The following DOCK10 variants were observed in gnomAD, a reference collection of about 807,000 sequenced individuals.
The protein encoded by DOCK10 is dedicator of cytokinesis 10.
A neutral mutation model predicts 280.1 loss-of-function variants in DOCK10; 145 were observed. That is an observed-to-expected ratio of 0.52 (90% CI 0.45 to 0.59). The LOEUF (loss-of-function observed/expected upper bound fraction) is 0.59, where lower values mean the gene tolerates loss of function less well. DOCK10 is among the 20% of genes least tolerant of loss of function. The pLI, the probability that DOCK10 is intolerant of heterozygous loss-of-function variation, is 0.00. For missense variants in DOCK10, 2,368 were observed against 2,651.7 expected, an observed-to-expected ratio of 0.89 and a Z score of 2.35; for synonymous variants, 915 against 942.2, an observed-to-expected ratio of 0.97 and a Z score of 0.53.
At chr2:225,006,751 T>C (rs931497584) in intron 1 of DOCK10, among the ~76,000 whole-genome samples, 10 of 152,226 alleles carry the variant, frequency 6.6e-5, no homozygotes, top group Non-Finnish European at 1.2e-4. Flanking sequence ...TTGAGAAACA[T>C]TGATGGATAT....
chr2:225,016,624 CATAGAT>C (rs1416665369), intron 1 of DOCK10, among the ~76,000 whole-genome samples: 400 of 36,232 alleles, frequency 0.011, 45 homozygotes, highest in African/African-American at 0.03. Flanking sequence ...TCTATGTGCA[CATAGAT>C]ACATATATCT....
intron 30 of DOCK10, among the ~76,000 whole-genome samples, chr2:224,815,217 G>A (rs1407643897): frequency 6.6e-6 from 1 of 152,140 alleles, no homozygotes; most frequent in Non-Finnish European, 1.5e-5. Flanking sequence ...GCCGCCATGT[G>A]AAGAAGGTCC....
intron 3 of DOCK10, among the ~76,000 whole-genome samples, chr2:224,898,869 C>T (rs1028864593): frequency 9.2e-5 from 14 of 152,198 alleles, no homozygotes; most frequent in African/African-American, 2.9e-4. Context: ...GCCACCGCAC[C>T]GGGCTGATAA....
At chr2:224,947,331 C>G (rs1036045102) in intron 1 of DOCK10, among the ~76,000 whole-genome samples, 1 of 152,140 alleles carries the variant, frequency 6.6e-6, no homozygotes, top group African/African-American at 2.4e-5. Flanking sequence ...CCACGGCTGT[C>G]AAAACAGCCA....
intron 48 of DOCK10, 30 bp downstream of exon 48, chr2:224,789,034 T>C (rs372396832): frequency 7.0e-7 from 1 of 1,420,796 alleles, no homozygotes; most frequent in African/African-American, 1.4e-5. Flanking sequence ...CTTTCCTTCG[T>C]TACTGTACAT....
chr2:224,809,964 C>T lies in DOCK10; in HGVS notation c.3410-1878G>A, dbSNP rs144097725. The stretch of plus-strand genomic sequence containing the variant: ...ATGAATGGATTAAAAATGGTATATA[C>T]ATACGATGGAGTATTATTCAGCCTC... On this transcript the variant is annotated intron_variant, in intron 31 of 55. Coordinates refer to ENST00000258390, the MANE Select transcript of DOCK10 (RefSeq NM_014689.3). 5.0e-3 allele frequency among the ~76,000 whole-genome samples: 597 copies of T among 119,202 alleles called. 3 individuals are homozygous for T. The highest frequency in any genetic ancestry group is 0.018 in the African/African-American group (558 of 31,802). The allele number at this position is 119,202 out of a possible 152,430, so 78.2% of individuals were successfully genotyped here.
intron 55 of DOCK10, chr2:224,768,840 G>A (rs1363792102): frequency 2.2e-6 from 1 of 455,208 alleles, no homozygotes; most frequent in East Asian, 7.0e-5. Flanking sequence ...GGCCACAGAG[G>A]ACAGAGTAGA....
intron 2 of DOCK10, among the ~76,000 whole-genome samples, chr2:224,918,697 T>C (rs1231017694): frequency 6.6e-6 from 1 of 151,000 alleles, no homozygotes; most frequent in Non-Finnish European, 1.5e-5. Flanking sequence ...TGTGAGCATG[T>C]GCAATTGAGT....
At chr2:224,945,987 C>A (rs370637640) in intron 1 of DOCK10, among the ~76,000 whole-genome samples, 83 of 152,230 alleles carry the variant, frequency 5.5e-4, no homozygotes, top group Non-Finnish European at 6.2e-4. Flanking sequence ...AGAAACCCTG[C>A]TCCGAAAAAG....
At chr2:224,904,557 G>T (rs1221889133) in intron 3 of DOCK10, among the ~76,000 whole-genome samples, 1 of 152,096 alleles carries the variant, frequency 6.6e-6, no homozygotes, top group African/African-American at 2.4e-5. Context: ...CTGTGCTCTG[G>T]TCTAAAGTTA....
In DOCK10 at chr2:224,907,282, T is replaced by A. The variant is rs534733484; in HGVS notation, c.333+9413A>T. On this transcript the variant is annotated intron_variant, in intron 3 of 55. Transcript: ENST00000258390. Reference sequence around the variant, plus strand: ...CATTATTTATACTTATAATTTGCTGTATGAGGGTAAGTACATAGAACTACC... The same window carrying A: ...CATTATTTATACTTATAATTTGCTGAATGAGGGTAAGTACATAGAACTACC... Among the ~76,000 whole-genome samples, 4 of 152,318 alleles carry A rather than the reference T, an allele frequency of 2.6e-5. No homozygotes were observed. The East Asian group carries it at 7.7e-4, about 29-fold the overall frequency.
intron 1 of DOCK10, among the ~76,000 whole-genome samples, chr2:224,979,871 A>G (rs1298591005): frequency 6.6e-6 from 1 of 152,128 alleles, no homozygotes; most frequent in Non-Finnish European, 1.5e-5. Context: ...AGACACAGAG[A>G]TGTTAAACAG....
intron 2 of DOCK10, among the ~76,000 whole-genome samples, chr2:224,928,236 A>G (rs1391518904): frequency 6.6e-6 from 1 of 151,752 alleles, no homozygotes; most frequent in African/African-American, 2.4e-5. Context: ...GTTGTACTCT[A>G]TGTCAGCCAA....
intron 26 of DOCK10, among the ~76,000 whole-genome samples, chr2:224,833,448 C>G (rs1246743298): frequency 6.6e-6 from 1 of 151,814 alleles, no homozygotes; most frequent in Non-Finnish European, 1.5e-5. Context: ...GTCTTTCCCT[C>G]TGAGCATCCC....
intron 3 of DOCK10, among the ~76,000 whole-genome samples, chr2:224,910,737 C>T (rs1700961362): frequency 6.6e-6 from 1 of 152,180 alleles, no homozygotes; most frequent in Non-Finnish European, 1.5e-5. Context: ...TCTTTGGTGA[C>T]CTCTTTCTTC....
In DOCK10 at chr2:224,830,623, A is replaced by G. The variant is rs773075635; in HGVS notation, c.2965-11T>C. On this transcript the variant is annotated splice_polypyrimidine_tract_variant and intron_variant, in intron 26 of 55. Coordinates refer to ENST00000258390, the MANE Select transcript of DOCK10 (RefSeq NM_014689.3). Reference sequence around the variant, plus strand: ...GAAGAACCAGGAATGCTGTTGGGAAAAAAAAGGCAACGAGACATTTATTAT... The same window carrying G: ...GAAGAACCAGGAATGCTGTTGGGAAGAAAAAGGCAACGAGACATTTATTAT... 96 of 1,509,936 alleles carry G rather than the reference A, an allele frequency of 6.4e-5. No homozygotes were observed. Among genetic ancestry groups the G allele is most frequent in the Non-Finnish European group, 8.0e-5 (90 of 1,118,638 alleles). The allele number at this position is 1,509,936 out of a possible 1,614,324, so 93.5% of individuals were successfully genotyped here. A position where few individuals can be genotyped will look rare whatever the true frequency, so the allele number is the denominator to read the frequency against.
chr2:224,989,018 A>C (rs1185200806), intron 1 of DOCK10, among the ~76,000 whole-genome samples: 1 of 152,238 alleles, frequency 6.6e-6, no homozygotes, highest in Non-Finnish European at 1.5e-5. Flanking sequence ...GAGGAAAATG[A>C]GGCCATTACC....
intron 40 of DOCK10, among the ~76,000 whole-genome samples, chr2:224,800,725 T>A (rs1692924293): frequency 6.6e-6 from 1 of 151,970 alleles, no homozygotes; most frequent in Admixed American, 6.6e-5. Flanking sequence ...ATGAAAAGAG[T>A]CAAATTCTGT....
chr2:224,814,261 T>G (rs1050067605), intron 31 of DOCK10, 59 bp downstream of exon 31: 1 of 1,041,990 alleles, frequency 9.6e-7, no homozygotes, highest in Non-Finnish European at 1.3e-6. Context: ...AATTTATAGT[T>G]GTCAATATTA....
Sources: gnomAD v4.1 joint callset for allele counts (sites outside exome capture counted in the v4.1 genomes callset) on GRCh38, gnomAD v4.1.1 for gene constraint, MANE v1.5 for transcripts, NCBI Gene and HGNC (gene_info 2026-07-23, HGNC 2026-07-21) for gene names.